Variants in WDR7 observed in about 807,000 individuals in gnomAD.
The protein encoded by WDR7 is WD repeat-containing protein 7.
WDR7 carries 46 observed loss-of-function variants against 169.4 expected under a neutral mutation model. The observed-to-expected ratio is 0.27, with a 90% CI of 0.21 to 0.35. The LOEUF (loss-of-function observed/expected upper bound fraction) is 0.35. Ranked by LOEUF, WDR7 falls within the 10% of genes least tolerant of loss-of-function variation. The pLI, the probability that WDR7 is intolerant of heterozygous loss-of-function variation, is 1.00. For missense variants in WDR7, 1,534 were observed against 1,859.3 expected (o/e 0.83, Z 3.22); for synonymous variants, 612 against 666.8 (o/e 0.92, Z 1.27).
chr18:56,717,331 A>G (rs1413527077), intron 12 of WDR7, among the ~76,000 whole-genome samples: 1 of 152,212 alleles, frequency 6.6e-6, no homozygotes, highest in Non-Finnish European at 1.5e-5. Context: ...GGCAAAAACT[A>G]GAGGTGAGCA....
At chr18:56,998,092 G>A (rs1486702039) in intron 26 of WDR7, among the ~76,000 whole-genome samples, 2 of 152,094 alleles carry the variant, frequency 1.3e-5, no homozygotes, top group Non-Finnish European at 2.9e-5. Flanking sequence ...TGTATATTTG[G>A]ACATCATGGG....
chr18:57,017,672 C>T lies in WDR7; in HGVS notation c.4165-3073C>T, dbSNP rs17090479. On this transcript the variant is annotated intron_variant, in intron 26 of 27. Transcript: ENST00000254442. ...GAGGAAGTATTTATTACTTGATCTA[C>T]ATAGAATGAGCATAAATTTAGTTCT... 8.2e-3 allele frequency among the ~76,000 whole-genome samples: 1,252 copies of T among 152,224 alleles called. 16 individuals are homozygous for T. The highest frequency in any genetic ancestry group is 0.029 in the African/African-American group (1,191 of 41,520).
chr18:56,739,132 G>A (rs2043574001), intron 14 of WDR7, among the ~76,000 whole-genome samples: 1 of 151,740 alleles, frequency 6.6e-6, no homozygotes, highest in Non-Finnish European at 1.5e-5. Flanking sequence ...AACTGATATA[G>A]TAGTGTTTAG....
chr18:56,894,454 C>T (rs954705160), intron 21 of WDR7, among the ~76,000 whole-genome samples: 2 of 152,036 alleles, frequency 1.3e-5, no homozygotes, highest in African/African-American at 4.8e-5. Flanking sequence ...CCCCAGATAC[C>T]TGCTTGGTTA....
At chr18:56,801,179 C>G (rs2044667448) in intron 19 of WDR7, among the ~76,000 whole-genome samples, 1 of 152,076 alleles carries the variant, frequency 6.6e-6, no homozygotes, top group Non-Finnish European at 1.5e-5. Context: ...ACAATATTTA[C>G]TTATTTTTTC....
At chr18:56,778,225 T>C (rs2044268259) in intron 17 of WDR7, among the ~76,000 whole-genome samples, 1 of 152,142 alleles carries the variant, frequency 6.6e-6, no homozygotes, top group Non-Finnish European at 1.5e-5. Flanking sequence ...TCAGTCTGTC[T>C]CTCTCCCGCT....
chr18:56,746,118 C>G (rs1245413592), intron 14 of WDR7, among the ~76,000 whole-genome samples: 1 of 152,146 alleles, frequency 6.6e-6, no homozygotes, highest in Non-Finnish European at 1.5e-5. Context: ...CTCAGGGAGA[C>G]AGTTTACTGC....
intron 25 of WDR7, among the ~76,000 whole-genome samples, chr18:56,957,873 T>C (rs1568285934): frequency 6.6e-6 from 1 of 152,292 alleles, no homozygotes; most frequent in East Asian, 1.9e-4. Context: ...AGCAGTAACT[T>C]AACATCCTGA....
chr18:56,913,088 G>A (rs1034313438), intron 21 of WDR7, among the ~76,000 whole-genome samples: 1 of 151,890 alleles, frequency 6.6e-6, no homozygotes, highest in Admixed American at 6.6e-5. Context: ...TGCCCAGGCT[G>A]GTCTTGATTG....
At chr18:56,725,656 T>G (rs1037648027) in intron 13 of WDR7, among the ~76,000 whole-genome samples, 5 of 152,230 alleles carry the variant, frequency 3.3e-5, no homozygotes, top group Admixed American at 2.6e-4. Flanking sequence ...CTCTTTAGTT[T>G]AATTAGATCG....
intron 26 of WDR7, among the ~76,000 whole-genome samples, chr18:56,975,048 G>A (rs1454955037): frequency 6.6e-6 from 1 of 152,072 alleles, no homozygotes; most frequent in Non-Finnish European, 1.5e-5. Context: ...GACCACCCTG[G>A]CTAACATGGT....
chr18:56,882,627 T>C (rs574698323), intron 21 of WDR7, among the ~76,000 whole-genome samples: 1 of 152,336 alleles, frequency 6.6e-6, no homozygotes, highest in South Asian at 2.1e-4. Flanking sequence ...AAGTGGAAAT[T>C]TCTACCCTCA....
At chr18:56,928,883 A>G (rs1476745459) in intron 22 of WDR7, among the ~76,000 whole-genome samples, 1 of 152,232 alleles carries the variant, frequency 6.6e-6, no homozygotes, top group African/African-American at 2.4e-5. Flanking sequence ...AGCTCCTAAT[A>G]CTGTGTGATC....
chr18:56,813,000 A>C, intron 19 of WDR7, among the ~76,000 whole-genome samples: 1 of 140,512 alleles, frequency 7.1e-6, no homozygotes, highest in Non-Finnish European at 1.5e-5. Context: ...TGGACACAGG[A>C]AGGGGAATAT....
intron 18 of WDR7, 72 bp from the exon 19 acceptor site, chr18:56,781,461 T>G (rs995169309): frequency 5.9e-6 from 8 of 1,364,598 alleles, no homozygotes; most frequent in Non-Finnish European, 7.7e-6. Context: ...CATTATAAAT[T>G]TTCTAGTTTA....
chr18:57,001,876 A>G lies in WDR7; in HGVS notation c.4165-18869A>G, dbSNP rs183628363. 1.6e-3 allele frequency among the ~76,000 whole-genome samples: 249 copies of G among 152,246 alleles called. 2 individuals carry two copies. Among genetic ancestry groups the G allele is most frequent in the Middle Eastern group, 6.8e-3 (2 of 294 alleles). On this transcript the variant is annotated intron_variant, in intron 26 of 27. Coordinates refer to ENST00000254442, the MANE Select transcript of WDR7 (RefSeq NM_015285.3). The stretch of plus-strand genomic sequence containing the variant: ...TATTTCAATCTGTTTCCTTACTAAG[A>G]ACTAATATTAAATTTCTGGATATAG...
At chr18:56,906,811 G>A (rs1024051432) in intron 21 of WDR7, among the ~76,000 whole-genome samples, 2 of 152,084 alleles carry the variant, frequency 1.3e-5, no homozygotes, top group Admixed American at 6.6e-5. Flanking sequence ...CAAAGTGCTG[G>A]GATTACAGGC....
At chr18:57,011,056 T>C (rs1035018802) in intron 26 of WDR7, among the ~76,000 whole-genome samples, 1 of 152,222 alleles carries the variant, frequency 6.6e-6, no homozygotes, top group Non-Finnish European at 1.5e-5. Context: ...AGTGAAAATA[T>C]AAGCCTCGAT....
rs189581645 is a variant in WDR7, at chr18:56,765,198, C to G, written c.2848+6245C>G. Among the ~76,000 whole-genome samples, 502 of 152,018 alleles carry G rather than the reference C, an allele frequency of 3.3e-3. 2 individuals are homozygous for G. The highest frequency in any genetic ancestry group is 5.0e-3 in the Non-Finnish European group (340 of 67,938). ...GTCTTATTTTTTAATCCAATCTGAC[C>G]TGCTTTTTACTTGAGATGCATAAGC... On this transcript the variant is annotated intron_variant, in intron 16 of 27. Transcript: ENST00000254442.
Sources: allele counts gnomAD v4.1 joint callset (sites outside exome capture counted in the v4.1 genomes callset), GRCh38; gene constraint gnomAD v4.1.1; transcripts MANE v1.5; gene names NCBI Gene and HGNC (gene_info 2026-07-23, HGNC 2026-07-21).